PHLDB2: variants seen among roughly 807,000 people sequenced by gnomAD.
PHLDB2 encodes pleckstrin homology like domain family B member 2.
A neutral mutation model predicts 123.6 loss-of-function variants in PHLDB2; 71 were observed. The observed-to-expected ratio is 0.57, with a 90% confidence interval of 0.47 to 0.70. The LOEUF (loss-of-function observed/expected upper bound fraction) is 0.70. Among genes scored for constraint, PHLDB2 ranks in the 30% least tolerant of loss-of-function variants. PHLDB2 has a pLI of 0.00. For synonymous variants in PHLDB2, 547 were observed against 541.6 expected (o/e 1.01, Z -0.14); for missense variants, 1,446 against 1,519.5 (o/e 0.95, Z 0.80).
chr3:111,788,292 C>A (rs1300948435), intron 1 of PHLDB2, among the ~76,000 whole-genome samples: 1 of 152,172 alleles, frequency 6.6e-6, no homozygotes, highest in Non-Finnish European at 1.5e-5. Context: ...GGGGTTATAT[C>A]TGGATGACTA....
intron 1 of PHLDB2, among the ~76,000 whole-genome samples, chr3:111,740,725 C>A (rs76185991): frequency 3.3e-5 from 5 of 151,878 alleles, no homozygotes; most frequent in East Asian, 1.9e-4. Flanking sequence ...CTTGCCCCCC[C>A]ACCAAATACA....
chr3:111,850,190 CAG>C (rs2064189975), intron 2 of PHLDB2, among the ~76,000 whole-genome samples: 2 of 152,058 alleles, frequency 1.3e-5, no homozygotes, highest in Non-Finnish European at 2.9e-5. Context: ...AGTGAAATAA[CAG>C]GGGTGGAAAA....
chr3:111,794,099 T>C (rs1343707170), intron 1 of PHLDB2, among the ~76,000 whole-genome samples: 1 of 152,058 alleles, frequency 6.6e-6, no homozygotes, highest in African/African-American at 2.4e-5. Context: ...CCTTGTGGCC[T>C]AGACTGCCTT....
Position 111,974,868 on chromosome 3 carries a change from A to C in PHLDB2, c.*305A>C. The C allele has an allele frequency of 5.2e-6, 1 of 193,394 alleles. No homozygotes were observed. The highest frequency in any genetic ancestry group is 1.0e-5 in the Non-Finnish European group (1 of 95,652). 12.0% of individuals were successfully genotyped at this position (193,394 alleles called of 1,614,324 possible). On this transcript the variant is annotated 3_prime_UTR_variant, in exon 18 of 18. Transcript: ENST00000431670. ...TTTAATCAGTTGTCGGATTTGGTGA[A>C]ATAAACTAAACAGGTTACAGAATAT...
chr3:111,893,323 C>T (rs896710502), intron 2 of PHLDB2, among the ~76,000 whole-genome samples: 1 of 151,858 alleles, frequency 6.6e-6, no homozygotes, highest in African/African-American at 2.4e-5. Context: ...ACTTGAATCT[C>T]CTTCCTGATG....
upstream of PHLDB2, among the ~76,000 whole-genome samples, chr3:111,857,456 A>C (rs1297603362): frequency 3.2e-5 from 2 of 62,594 alleles, no homozygotes; most frequent in African/African-American, 7.5e-5. Context: ...GTCTCAAAAA[A>C]AAAAAAAAGA....
chr3:111,783,700 GC>G (rs1333356941), intron 1 of PHLDB2, among the ~76,000 whole-genome samples: 1 of 152,064 alleles, frequency 6.6e-6, no homozygotes, highest in Non-Finnish European at 1.5e-5. Flanking sequence ...AGATTGATCA[GC>G]TTGCTGTTGA....
chr3:111,911,599 C>T (rs939738934), intron 2 of PHLDB2: 2 of 1,534,040 alleles, frequency 1.3e-6, no homozygotes, highest in Non-Finnish European at 1.7e-6. Context: ...AGTACCAGGG[C>T]TCCTGGATGG....
intron 1 of PHLDB2, among the ~76,000 whole-genome samples, chr3:111,746,878 A>T (rs2059689557): frequency 6.6e-6 from 1 of 152,220 alleles, no homozygotes; most frequent in East Asian, 1.9e-4. Context: ...AGGAGAAAAA[A>T]GTAACCTACA....
At chr3:111,875,685 T>C (rs569946130) in intron 1 of PHLDB2, among the ~76,000 whole-genome samples, 4 of 151,668 alleles carry the variant, frequency 2.6e-5, no homozygotes, top group African/African-American at 9.7e-5. Context: ...TAGCCAGGCA[T>C]GGTGGTACAC....
chr3:111,752,436 A>C (rs1178935738), intron 1 of PHLDB2, among the ~76,000 whole-genome samples: 2 of 152,182 alleles, frequency 1.3e-5, no homozygotes, highest in African/African-American at 4.8e-5. Flanking sequence ...ATATTTTATT[A>C]CTTGACATTT....
intron 1 of PHLDB2, among the ~76,000 whole-genome samples, chr3:111,789,849 T>A (rs771397202): frequency 5.9e-5 from 9 of 152,192 alleles, no homozygotes; most frequent in Non-Finnish European, 1.2e-4. Context: ...TTTAGCCAAC[T>A]GAGCAATACA....
At chr3:111,841,604 T>C (rs1419369380) in intron 1 of PHLDB2, among the ~76,000 whole-genome samples, 4 of 152,194 alleles carry the variant, frequency 2.6e-5, no homozygotes, top group Non-Finnish European at 5.9e-5. Context: ...ATGCGTTTTC[T>C]CTGGGTTGGG....
chr3:111,733,132 G>A (rs1441092042), intron 1 of PHLDB2, among the ~76,000 whole-genome samples: 3 of 152,076 alleles, frequency 2.0e-5, no homozygotes, highest in Non-Finnish European at 4.4e-5. Context: ...AATATATTCC[G>A]AGAAATATAC....
intron 2 of PHLDB2, among the ~76,000 whole-genome samples, chr3:111,853,937 T>C (rs1397560491): frequency 6.6e-6 from 1 of 152,116 alleles, no homozygotes; most frequent in African/African-American, 2.4e-5. Context: ...AGATAAATAA[T>C]GCACTCAAAT....
chr3:111,951,536 A>C (rs992131424), intron 10 of PHLDB2, among the ~76,000 whole-genome samples: 11 of 152,180 alleles, frequency 7.2e-5, no homozygotes, highest in Non-Finnish European at 1.0e-4. Context: ...ATGAGCTTTT[A>C]AAATGACTTC....
intron 2 of PHLDB2, among the ~76,000 whole-genome samples, chr3:111,849,730 G>A (rs1224179011): frequency 6.6e-6 from 1 of 152,104 alleles, no homozygotes; most frequent in Non-Finnish European, 1.5e-5. Flanking sequence ...CAAAGATGTG[G>A]AACCAACCTA....
chr3:111,968,991 A>G (rs561263685), intron 15 of PHLDB2, among the ~76,000 whole-genome samples: 4 of 152,296 alleles, frequency 2.6e-5, no homozygotes, highest in African/African-American at 7.2e-5. Flanking sequence ...ACTATCACCC[A>G]TGGTGATATA....
At chr3:111,971,491 C>G (rs1184906685) in intron 16 of PHLDB2, among the ~76,000 whole-genome samples, 1 of 151,884 alleles carries the variant, frequency 6.6e-6, no homozygotes, top group Non-Finnish European at 1.5e-5. Context: ...TACCCAGAAC[C>G]CTAATTTAAA....
Sources: allele counts gnomAD v4.1 joint callset (sites outside exome capture counted in the v4.1 genomes callset), GRCh38; gene constraint gnomAD v4.1.1; transcripts MANE v1.5; gene names NCBI Gene and HGNC (gene_info 2026-07-23, HGNC 2026-07-21).